RBBP7: variants seen among roughly 807,000 people sequenced by gnomAD.
RBBP7 encodes histone-binding protein RBBP7.
RBBP7 carries 5 observed loss-of-function variants against 35.2 expected under a neutral mutation model. That is an observed-to-expected ratio of 0.14 (90% CI 0.07 to 0.30). The LOEUF (loss-of-function observed/expected upper bound fraction) is 0.30, where lower values mean the gene tolerates loss of function less well. RBBP7 is among the 10% of genes least tolerant of loss of function. The pLI is 1.00. For synonymous variants in RBBP7, 140 were observed against 118.7 expected (o/e 1.18, Z -1.17); for missense variants, 155 against 327.5 (o/e 0.47, Z 4.07).
At chrX:16,869,606 G>A (rs1413251445) in intron 1 of RBBP7, 9 of 1,163,966 alleles carry the variant, frequency 7.7e-6, no homozygotes, top group South Asian at 3.8e-5. Context: ...CATCAGGGGA[G>A]GCCCCAGCTC....
At chrX:16,854,985 G>GTT (rs150641871) in intron 5 of RBBP7, among the ~76,000 whole-genome samples, 1 of 93,913 alleles carries the variant, frequency 1.1e-5, no homozygotes, top group East Asian at 3.4e-4. Flanking sequence ...ACTGGTATGG[G>GTT]TTTTTTTTTT....
At chrX:16,860,085 AT>A (rs992155188) in intron 3 of RBBP7, among the ~76,000 whole-genome samples, 10 of 109,540 alleles carry the variant, frequency 9.1e-5, no homozygotes, top group African/African-American at 3.3e-4. Context: ...AATGGAAGAA[AT>A]GTGCCTCGGC....
chrX:16,853,986 G>A (rs1395052647), intron 5 of RBBP7, 144 bp from the exon 6 acceptor site: 8 of 426,303 alleles, frequency 1.9e-5, no homozygotes, highest in Admixed American at 6.1e-5. Flanking sequence ...GGGCTCAAGC[G>A]ATTCTCCTGC....
chrX:16,849,126 C>T, intron 10 of RBBP7, 118 bp downstream of exon 10: 1 of 641,378 alleles, frequency 1.6e-6, no homozygotes, highest in Non-Finnish European at 2.3e-6. Context: ...TCAGGGCCTC[C>T]ATTTTGAAAC....
At chrX:16,863,951 T>C (rs1050579299) in intron 2 of RBBP7, among the ~76,000 whole-genome samples, 1 of 111,236 alleles carries the variant, frequency 9.0e-6, no homozygotes, top group African/African-American at 3.3e-5. Context: ...GACTGAGAAG[T>C]AGGGGTCTAG....
chrX:16,845,233 G>A (rs999674178), intron 11 of RBBP7, 130 bp from the exon 12 acceptor site: 4 of 487,693 alleles, frequency 8.2e-6, no homozygotes, highest in East Asian at 7.5e-5. Flanking sequence ...ACTTCAATAA[G>A]GAAATGGTAG....
chrX:16,845,650 C>T (rs1319417809), intron 11 of RBBP7, among the ~76,000 whole-genome samples, 178 bp downstream of exon 11: 3 of 112,148 alleles, frequency 2.7e-5, no homozygotes, highest in Middle Eastern at 4.7e-3. Context: ...AAACAGTGGA[C>T]GAAGCACCAT....
In RBBP7 at chrX:16,845,050, C is replaced by G. The variant is rs747677478; in HGVS notation, c.1263G>C (p.Glu421Asp). The change falls in exon 12 of 12, where the codon GAG becomes GAC. Residue 421 changes from glutamate (E) to aspartate (D), a missense_variant. Glu to Asp is a conservative substitution (Grantham distance 45). This residue lies in a region of RBBP7 where 17 missense variants were observed against 16.3 expected (regional missense o/e 1.04). Coordinates refer to ENST00000380087, the MANE Select transcript of RBBP7 (RefSeq NM_002893.4). ...TACTTTGGGTTTAAGATCCTTGTCC[C>G]TCCAGTTCGGATGTCGTGACATCTG... ...EESDVTTSEL[E>D]GQGS 6 of 1,207,552 alleles carry G rather than the reference C, an allele frequency of 5.0e-6. No homozygotes were observed. In the East Asian group the frequency reaches 1.5e-4, roughly 30 times the overall value.
chrX:16,856,626 C>CT (rs1332926585), intron 5 of RBBP7, among the ~76,000 whole-genome samples: 1 of 111,337 alleles, frequency 9.0e-6, no homozygotes, highest in Non-Finnish European at 1.9e-5. Context: ...GGAAATACCA[C>CT]TTTATGCACA....
intron 4 of RBBP7, among the ~76,000 whole-genome samples, chrX:16,857,995 C>T (rs1930388039): frequency 9.0e-6 from 1 of 111,543 alleles, no homozygotes; most frequent in Non-Finnish European, 1.9e-5. Flanking sequence ...ATATTTCTAA[C>T]ACAACAGGTC....
At chrX:16,849,391 T>TA (rs1930162262) in intron 9 of RBBP7, 90 bp from the exon 10 acceptor site, 4 of 829,080 alleles carry the variant, frequency 4.8e-6, no homozygotes, top group Non-Finnish European at 5.2e-6. Flanking sequence ...AAAGTAATCT[T>TA]AAAACATAAA....
intron 10 of RBBP7, chrX:16,848,943 T>C (rs777660548): frequency 2.7e-4 from 59 of 219,392 alleles, no homozygotes; most frequent in Non-Finnish European, 2.3e-4. Flanking sequence ...TGAATAGCAA[T>C]TATACTCACT....
At chrX:16,853,469 T>G (rs1234048575) in intron 6 of RBBP7, 1 of 305,161 alleles carries the variant, frequency 3.3e-6, no homozygotes, top group Admixed American at 6.0e-5. Context: ...TAATTTTTTG[T>G]TTTTAAATTT....
At chrX:16,849,704 C>A (rs1462315521) in intron 9 of RBBP7, among the ~76,000 whole-genome samples, 1 of 111,958 alleles carries the variant, frequency 8.9e-6, no homozygotes, top group Non-Finnish European at 1.9e-5. Context: ...TAAACATTAA[C>A]TCAAAATCCC....
intron 5 of RBBP7, 36 bp from the exon 6 acceptor site, chrX:16,853,878 G>A (rs1602418169): frequency 1.0e-6 from 1 of 1,003,116 alleles, no homozygotes; most frequent in Non-Finnish European, 1.3e-6. Context: ...AAGAACAAGG[G>A]CTATAAGAGA....
At chrX:16,869,812 A>AG (rs1930731863) in intron 1 of RBBP7, 1 of 907,001 alleles carries the variant, frequency 1.1e-6, no homozygotes. Flanking sequence ...GGAAGGGAAG[A>AG]GGGGGGCCCA....
chrX:16,865,620 C>T (rs1208268009), intron 2 of RBBP7, among the ~76,000 whole-genome samples: 1 of 111,873 alleles, frequency 8.9e-6, no homozygotes, highest in Non-Finnish European at 1.9e-5. Context: ...TATTTTCCTC[C>T]AATACTGGAT....
At chrX:16,850,862 G>C (rs1395519734) in intron 9 of RBBP7, among the ~76,000 whole-genome samples, 2 of 112,266 alleles carry the variant, frequency 1.8e-5, no homozygotes, top group African/African-American at 6.5e-5. Flanking sequence ...ACTTTGGGAG[G>C]CCAAGGCGGG....
rs764193462 is a variant in RBBP7 at position 16,869,080 on chromosome X, T to A, written c.157A>T (p.Thr53Ser). 5.8e-6 allele frequency: 7 copies of A among 1,196,627 alleles called. No homozygotes were observed. The highest frequency in any genetic ancestry group is 7.9e-6 in the Non-Finnish European group (7 of 891,542). The change falls in exon 2 of 12, where the codon ACT becomes TCT. Residue 53 changes from threonine (T) to serine (S), a missense_variant. By Grantham distance (58) the Thr-to-Ser change is moderately conservative. Coordinates refer to ENST00000380087, the MANE Select transcript of RBBP7 (RefSeq NM_002893.4). Reference protein sequence around the residue: ...SLTVQWLPEVTKPEGKDYALH... With the variant: ...SLTVQWLPEVSKPEGKDYALH... ...AAAGTTGCCAGAAACCCTTACTTAG[T>A]CACTTCAGGAAGCCACTGAACGGTA...
Sources: allele counts gnomAD v4.1 joint callset (sites outside exome capture counted in the v4.1 genomes callset), GRCh38; gene constraint gnomAD v4.1.1; regional missense constraint gnomAD v4.1.1; transcripts MANE v1.5; gene names NCBI Gene and HGNC (gene_info 2026-07-23, HGNC 2026-07-21).